GNAQ: variants seen among roughly 807,000 people sequenced by gnomAD.
GNAQ encodes the protein guanine nucleotide-binding protein G(q) subunit alpha.
GNAQ carries 8 observed loss-of-function variants against 43.9 expected under a neutral mutation model. That is an observed-to-expected ratio of 0.18 (90% confidence interval 0.11 to 0.33). The LOEUF (loss-of-function observed/expected upper bound fraction) is 0.33. GNAQ is among the 10% of genes least tolerant of loss of function. The pLI, the probability that GNAQ is intolerant of heterozygous loss-of-function variation, is 1.00. For missense variants in GNAQ, 158 were observed against 450.8 expected (o/e 0.35, Z 5.88); for synonymous variants, 155 against 170.7 (o/e 0.91, Z 0.71).
chr9:77,766,042 TAGAG>T (rs1364108156), intron 5 of GNAQ, among the ~76,000 whole-genome samples: 2 of 152,134 alleles, frequency 1.3e-5, no homozygotes, highest in African/African-American at 2.4e-5. Flanking sequence ...GTCAAATTCA[TAGAG>T]ATAGAATGGT....
chr9:77,863,216 A>AAGGAAGGAAGGGAGGGAGGG (rs1281288103), intron 2 of GNAQ, among the ~76,000 whole-genome samples: 1 of 148,974 alleles, frequency 6.7e-6, no homozygotes, highest in Admixed American at 6.6e-5. Context: ...GGAAGGAAGG[A>AAGGAAGGAAGGGAGGGAGGG]AGGGAGGAAG....
chr9:77,914,049 G>C (rs1383484458), intron 2 of GNAQ, among the ~76,000 whole-genome samples: 1 of 152,084 alleles, frequency 6.6e-6, no homozygotes, highest in Non-Finnish European at 1.5e-5. Flanking sequence ...ATTAACTTTA[G>C]CCAAGAAAAC....
chr9:77,753,640 G>A (rs1381703371), intron 5 of GNAQ, among the ~76,000 whole-genome samples: 1 of 152,148 alleles, frequency 6.6e-6, no homozygotes, highest in East Asian at 1.9e-4. Context: ...GAAAGAGGAA[G>A]TATAGCATGA....
At chr9:77,800,239 C>A (rs907913671) in intron 3 of GNAQ, among the ~76,000 whole-genome samples, 2 of 151,532 alleles carry the variant, frequency 1.3e-5, no homozygotes, top group Admixed American at 6.6e-5. Flanking sequence ...ACCCAAAGGA[C>A]TATAAATCAT....
At chr9:77,904,522 C>A (rs948578956) in intron 2 of GNAQ, among the ~76,000 whole-genome samples, 4 of 151,700 alleles carry the variant, frequency 2.6e-5, no homozygotes, top group African/African-American at 9.7e-5. Flanking sequence ...TTAGTAGAGA[C>A]AAGGTTTCAC....
chr9:77,830,715 A>C (rs972751136), intron 2 of GNAQ, among the ~76,000 whole-genome samples: 3 of 152,230 alleles, frequency 2.0e-5, no homozygotes, highest in African/African-American at 7.2e-5. Flanking sequence ...CATTTCAACA[A>C]TGAGTGTGAA....
Position 78,021,045 on chromosome 9 carries a change from C to CTTTTT in GNAQ, c.136+10050_136+10054dup, listed in dbSNP as rs545575616. ...TGCAAACGAGGAACACAGGAAGCTG[C>CTTTTT]TTTTTTTTTTTTTTTTTTTTTTGAG... On this transcript the variant is annotated intron_variant, in intron 1 of 6. Transcript: ENST00000286548. Among the ~76,000 whole-genome samples, 162 of 112,166 alleles carry CTTTTT rather than the reference C, an allele frequency of 1.4e-3. 4 individuals carry two copies. The highest frequency in any genetic ancestry group is 3.3e-3 in the East Asian group (12 of 3,606). 73.6% of individuals were successfully genotyped at this position (112,166 alleles called of 152,430 possible).
At chr9:77,857,961 T>C (rs1487649640) in intron 2 of GNAQ, among the ~76,000 whole-genome samples, 1 of 152,056 alleles carries the variant, frequency 6.6e-6, no homozygotes, top group Non-Finnish European at 1.5e-5. Flanking sequence ...CCCCAAAAGC[T>C]TTTTTAAACA....
intron 2 of GNAQ, among the ~76,000 whole-genome samples, chr9:77,868,931 G>A (rs778101029): frequency 1.3e-5 from 2 of 152,216 alleles, no homozygotes; most frequent in African/African-American, 2.4e-5. Context: ...AAGTTGCAGT[G>A]AGCCGAGATC....
chr9:77,860,718 C>A (rs1033112783), intron 2 of GNAQ, among the ~76,000 whole-genome samples: 1 of 152,088 alleles, frequency 6.6e-6, no homozygotes, highest in South Asian at 2.1e-4. Flanking sequence ...TGTTCGGGAC[C>A]CCTTCCATAA....
intron 1 of GNAQ, among the ~76,000 whole-genome samples, chr9:77,931,260 C>T (rs1277735870): frequency 6.6e-6 from 1 of 151,476 alleles, no homozygotes; most frequent in Non-Finnish European, 1.5e-5. Flanking sequence ...TCCGCATTTC[C>T]ATCCCTAAGC....
intron 2 of GNAQ, among the ~76,000 whole-genome samples, chr9:77,850,618 C>T (rs1334893152): frequency 6.6e-6 from 1 of 152,166 alleles, no homozygotes; most frequent in African/African-American, 2.4e-5. Context: ...TTTGAACCCT[C>T]TAGAACTTCC....
At chr9:77,844,465 A>G (rs1245385026) in intron 2 of GNAQ, among the ~76,000 whole-genome samples, 1 of 152,184 alleles carries the variant, frequency 6.6e-6, no homozygotes, top group Non-Finnish European at 1.5e-5. Context: ...GAATAAAATA[A>G]ACCATCAGAA....
rs146372833 is a variant in GNAQ, at chr9:77,967,949, C to G, written c.137-45604G>C. Among the ~76,000 whole-genome samples the G allele has an allele frequency of 3.4e-3, 515 of 152,182 alleles. 3 individuals are homozygous for G. The highest frequency in any genetic ancestry group is 0.014 in the Middle Eastern group (4 of 292). The stretch of plus-strand genomic sequence containing the variant: ...GAACCGAGATCATACCATTGCACTC[C>G]AGCCTGGGCAACAAGAATGAAACTC... On this transcript the variant is annotated intron_variant, in intron 1 of 6. Coordinates refer to ENST00000286548, the MANE Select transcript of GNAQ (RefSeq NM_002072.5).
intron 2 of GNAQ, among the ~76,000 whole-genome samples, chr9:77,887,048 G>A (rs915138502): frequency 1.3e-5 from 2 of 152,120 alleles, no homozygotes; most frequent in African/African-American, 4.8e-5. Context: ...CTTGAACCTG[G>A]GAGGTGGAAG....
At chr9:77,865,521 A>G (rs1408346428) in intron 2 of GNAQ, among the ~76,000 whole-genome samples, 1 of 152,220 alleles carries the variant, frequency 6.6e-6, no homozygotes, top group Non-Finnish European at 1.5e-5. Flanking sequence ...AAGTCCATGG[A>G]GCTGTTATAT....
intron 6 of GNAQ, among the ~76,000 whole-genome samples, chr9:77,725,420 G>A (rs1825382148): frequency 6.6e-6 from 1 of 152,020 alleles, no homozygotes; most frequent in Non-Finnish European, 1.5e-5. Flanking sequence ...ACTGCAGAGT[G>A]GGCCTCAATT....
chr9:77,728,040 G>T (rs1437840648), intron 6 of GNAQ, among the ~76,000 whole-genome samples: 1 of 151,844 alleles, frequency 6.6e-6, no homozygotes, highest in African/African-American at 2.4e-5. Context: ...CTGTTGCCAG[G>T]CTGGAGTGCA....
At chr9:77,812,582 A>G (rs1206538564) in intron 3 of GNAQ, among the ~76,000 whole-genome samples, 1 of 152,214 alleles carries the variant, frequency 6.6e-6, no homozygotes, top group Non-Finnish European at 1.5e-5. Context: ...AAAGAACCTT[A>G]TGGGACACAA....
Sources: allele counts gnomAD v4.1 joint callset (sites outside exome capture counted in the v4.1 genomes callset), GRCh38; gene constraint gnomAD v4.1.1; transcripts MANE v1.5; gene names NCBI Gene and HGNC (gene_info 2026-07-23, HGNC 2026-07-21).